Variants in PEX13 observed in about 807,000 individuals in gnomAD.
PEX13 encodes peroxisome biogenesis factor 13.
PEX13 carries 28 observed loss-of-function variants against 34.5 expected under a neutral mutation model. The observed-to-expected ratio is 0.81, with a 90% CI of 0.60 to 1.11. The LOEUF is 1.11. Among genes scored for constraint, PEX13 ranks in the 50% most tolerant of loss-of-function variants. PEX13 has a pLI of 0.00. For synonymous variants in PEX13, 177 were observed against 175.1 expected (o/e 1.01, Z -0.09); for missense variants, 550 against 491.0 (o/e 1.12, Z -1.13).
At chr2:61,037,078 C>T (rs573205636) in intron 2 of PEX13, among the ~76,000 whole-genome samples, 58 of 152,272 alleles carry the variant, frequency 3.8e-4, no homozygotes, top group African/African-American at 1.3e-3. Flanking sequence ...AGCTAACTAT[C>T]CTAAATATAT....
intron 1 of PEX13, among the ~76,000 whole-genome samples, chr2:61,025,878 T>G (rs557961075): frequency 9.8e-5 from 15 of 152,290 alleles, no homozygotes; most frequent in African/African-American, 3.6e-4. Context: ...TTTTCACCCT[T>G]TCTACTAGCA....
At chr2:61,033,617 A>G (rs1487931751) in intron 2 of PEX13, among the ~76,000 whole-genome samples, 1 of 152,194 alleles carries the variant, frequency 6.6e-6, no homozygotes, top group Admixed American at 6.5e-5. Flanking sequence ...TAAGTGCTAT[A>G]GGGGAAAAAA....
chr2:61,041,843 AGAAGCTACTATAG>A (rs1680629806), intron 2 of PEX13, among the ~76,000 whole-genome samples: 1 of 152,214 alleles, frequency 6.6e-6, no homozygotes, highest in Admixed American at 6.5e-5. Flanking sequence ...TAAATGATGA[AGAAGCTACTATAG>A]GAAGTAAGAG....
chr2:61,032,982 T>C (rs1038203908), intron 2 of PEX13, among the ~76,000 whole-genome samples: 3 of 152,230 alleles, frequency 2.0e-5, no homozygotes, highest in Admixed American at 2.0e-4. Context: ...AAGCTCTTAA[T>C]TGGCATTATG....
At chr2:61,026,205 T>C (rs10207844) in intron 1 of PEX13, among the ~76,000 whole-genome samples, 3,209 of 152,192 alleles carry the variant, frequency 0.021, 124 homozygotes, top group African/African-American at 0.073. Flanking sequence ...GTTAATCTAA[T>C]TACCTCGACA....
rs540386686 is a variant in PEX13, at chr2:61,043,015, G to C, written c.788-2711G>C. Among the ~76,000 whole-genome samples, 3 of 152,286 alleles carry C rather than the reference G, an allele frequency of 2.0e-5. No homozygotes were observed. The South Asian group carries it at 6.2e-4, about 32-fold the overall frequency. Reference sequence around the variant, plus strand: ...GAGAGTGAGTTTGTTATACAAGCTAGTTTGGCCCTCTTACTCTCTCGCATG... The same window carrying C: ...GAGAGTGAGTTTGTTATACAAGCTACTTTGGCCCTCTTACTCTCTCGCATG... On this transcript the variant is annotated intron_variant, in intron 2 of 3. Coordinates refer to ENST00000295030, the MANE Select transcript of PEX13 (RefSeq NM_002618.4).
At chr2:61,044,748 T>C (rs556692974) in intron 2 of PEX13, among the ~76,000 whole-genome samples, 2 of 152,220 alleles carry the variant, frequency 1.3e-5, no homozygotes, top group African/African-American at 2.4e-5. Context: ...GCAAAACTTA[T>C]GCTGGAGTAA....
intron 1 of PEX13, chr2:61,018,245 G>C: frequency 6.4e-7 from 1 of 1,551,134 alleles, no homozygotes. Context: ...TCGACAGGGA[G>C]CAAAGTCTCT....
intron 1 of PEX13, among the ~76,000 whole-genome samples, chr2:61,020,848 T>C (rs1680244967): frequency 6.6e-6 from 1 of 152,056 alleles, no homozygotes; most frequent in Admixed American, 6.6e-5. Context: ...AGAGATGGGG[T>C]TTCACTATGT....
chr2:61,042,372 A>C (rs1680639029), intron 2 of PEX13, among the ~76,000 whole-genome samples: 1 of 152,170 alleles, frequency 6.6e-6, no homozygotes, highest in African/African-American at 2.4e-5. Context: ...TAATATATAC[A>C]TTGTTATACT....
chr2:61,028,041 T>C (rs1420464195), intron 1 of PEX13, among the ~76,000 whole-genome samples: 1 of 152,246 alleles, frequency 6.6e-6, no homozygotes, highest in Non-Finnish European at 1.5e-5. Flanking sequence ...GATGAATCGA[T>C]GCTAAACTAT....
chr2:61,036,299 C>T (rs184619915), intron 2 of PEX13, among the ~76,000 whole-genome samples: 204 of 152,130 alleles, frequency 1.3e-3, no homozygotes, highest in Non-Finnish European at 2.1e-3. Flanking sequence ...AGATACTCCT[C>T]GAGAAGAGCA....
intron 1 of PEX13, among the ~76,000 whole-genome samples, chr2:61,027,082 G>T (rs1680369196): frequency 1.3e-5 from 2 of 151,762 alleles, no homozygotes; most frequent in Admixed American, 1.3e-4. Context: ...TAGCTCTTTG[G>T]GAGGCCAAGG....
chr2:61,043,332 T>TAAA (rs36040457), intron 2 of PEX13, among the ~76,000 whole-genome samples: 27 of 73,392 alleles, frequency 3.7e-4, no homozygotes, highest in African/African-American at 6.1e-4. Context: ...CTGTCTCTAC[T>TAAA]AAAAAAAAAA....
intron 2 of PEX13, among the ~76,000 whole-genome samples, chr2:61,043,271 C>T (rs538106219): frequency 1.3e-4 from 19 of 141,970 alleles, no homozygotes; most frequent in Non-Finnish European, 2.6e-4. Flanking sequence ...CCGAGGCGGG[C>T]GGATCATGAG....
At chr2:61,042,963 T>C (rs1680648647) in intron 2 of PEX13, among the ~76,000 whole-genome samples, 1 of 152,216 alleles carries the variant, frequency 6.6e-6, no homozygotes, top group East Asian at 1.9e-4. Flanking sequence ...CTAAATGTTG[T>C]CATCATGGGA....
intron 3 of PEX13, among the ~76,000 whole-genome samples, chr2:61,047,282 A>G (rs940788383): frequency 3.3e-5 from 5 of 151,866 alleles, no homozygotes; most frequent in African/African-American, 1.2e-4. Flanking sequence ...CAGCCTCCTG[A>G]GTTGCTGGGA....
chr2:61,028,392 CTTTTTTT>C (rs943141246), intron 1 of PEX13, among the ~76,000 whole-genome samples: 39 of 135,506 alleles, frequency 2.9e-4, no homozygotes, highest in African/African-American at 9.1e-4. Flanking sequence ...TCTTTCTTTT[CTTTTTTT>C]TTTTTTTTGA....
intron 2 of PEX13, among the ~76,000 whole-genome samples, chr2:61,043,141 G>C (rs948541900): frequency 6.6e-6 from 1 of 151,950 alleles, no homozygotes; most frequent in Non-Finnish European, 1.5e-5. Context: ...CCAGAACTGT[G>C]AGCAAATAAA....
Sources: gnomAD v4.1 joint callset for allele counts (sites outside exome capture counted in the v4.1 genomes callset) on GRCh38, gnomAD v4.1.1 for gene constraint, MANE v1.5 for transcripts, NCBI Gene and HGNC (gene_info 2026-07-23, HGNC 2026-07-21) for gene names.